TMEM106A: variants seen among roughly 807,000 people sequenced by gnomAD.
TMEM106A encodes transmembrane protein 106A.
In TMEM106A, 22 loss-of-function variants were observed where a neutral mutation model predicts 25.1. That is an observed-to-expected ratio of 0.88 (90% CI 0.63 to 1.25). The LOEUF is 1.25. TMEM106A is among the 50% of genes most tolerant of loss of function. The pLI, the probability that TMEM106A is intolerant of heterozygous loss-of-function variation, is 0.00. For synonymous variants in TMEM106A, 104 were observed against 129.9 expected (o/e 0.80, Z 1.35); for missense variants, 275 against 318.1 (o/e 0.86, Z 1.03).
Position 43,217,896 on chromosome 17 carries a change from C to A in TMEM106A, c.*95C>A. 6.4e-7 allele frequency: 1 copy of A among 1,568,552 alleles called. No homozygotes were observed. Among genetic ancestry groups the A allele is most frequent in the South Asian group, 1.2e-5 (1 of 83,600 alleles). ...TAAGGAAGGACTACAGAGGCTTTGCCAAAGGAGAAGCCCTGCCTCATCACA... is the reference window on the plus strand; with the variant it reads ...TAAGGAAGGACTACAGAGGCTTTGCAAAAGGAGAAGCCCTGCCTCATCACA... On this transcript the variant is annotated 3_prime_UTR_variant, in exon 9 of 9. Transcript: ENST00000612339.
rs757384257 is a variant in TMEM106A at position 43,213,275 on chromosome 17, A to C, written c.211+23A>C. The C allele has an allele frequency of 1.9e-6, 3 of 1,612,254 alleles. No individual in the cohort carries two copies. The African/African-American group carries it at 4.0e-5, about 22-fold the overall frequency. ...AAGGTGAGTGGCCCAAGGCTCTGGAAATAGCCTGGAATCCAGGGAAAGTTC... is the reference window on the plus strand; with the variant it reads ...AAGGTGAGTGGCCCAAGGCTCTGGACATAGCCTGGAATCCAGGGAAAGTTC... On this transcript the variant is annotated intron_variant, in intron 3 of 8. Transcript: ENST00000612339.
intron 4 of TMEM106A, among the ~76,000 whole-genome samples, chr17:43,214,213 AAAAAG>A (rs1361060256): frequency 6.3e-5 from 5 of 78,764 alleles, no homozygotes; most frequent in Non-Finnish European, 8.8e-5. Flanking sequence ...AAAGAAAAAA[AAAAAG>A]AAAAGAAAGA....
Position 43,217,726 on chromosome 17 carries a change from C to G in TMEM106A, c.714C>G (p.Val238=). 6.2e-7 allele frequency: 1 copy of G among 1,614,214 alleles called. No homozygotes were observed. Among genetic ancestry groups the G allele is most frequent in the Non-Finnish European group, 8.5e-7 (1 of 1,180,040 alleles). The change falls in exon 9 of 9, where the codon GTC becomes GTG. Residue 238 remains valine, a synonymous_variant. Coordinates refer to ENST00000612339, the MANE Select transcript of TMEM106A (RefSeq NM_145041.4). ...ACCTGAGCCATTCAGAGCAGCTGGT[C>G]TTTCAGAGCTATGAATATGTGGACT... is the stretch of plus-strand genomic sequence containing the variant. The part of the protein sequence containing the change: ...CSYLSHSEQL[V]FQSYEYVDCR...
In TMEM106A at chr17:43,219,080, G is replaced by A. The variant is rs1484933000; in HGVS notation, c.*1279G>A. 1 of 152,228 alleles carries A rather than the reference G, an allele frequency of 6.6e-6. No individual in the cohort carries two copies. Among genetic ancestry groups the A allele is most frequent in the African/African-American group, 2.4e-5 (1 of 41,452 alleles). The allele number at this position is 152,228 out of a possible 1,614,324, so 9.4% of individuals were successfully genotyped here. The stretch of plus-strand genomic sequence containing the variant: ...ATTGTATAAGATATTTATTAAAGGA[G>A]AGCCTCTAAGTCCACATCCTGAGCC... On this transcript the variant is annotated 3_prime_UTR_variant, in exon 9 of 9. Transcript: ENST00000612339.
rs2057452251 is a variant in TMEM106A, at chr17:43,213,219, C to G, written c.178C>G (p.Pro60Ala). The change falls in exon 3 of 9, where the codon CCC becomes GCC. Residue 60 changes from proline (P) to alanine (A), a missense_variant. Physicochemically the swap from Pro to Ala is conservative, Grantham distance 27. Transcript: ENST00000612339. ...TGCTGATGCCAGCTTCGTGACTTGT[C>G]CCACCTGCCAGGGCAGTGGCAAGAT... Reference protein sequence around the residue: ...GTADASFVTCPTCQGSGKIPQ... With the variant: ...GTADASFVTCATCQGSGKIPQ... 2 of 1,614,094 alleles carry G rather than the reference C, an allele frequency of 1.2e-6. No homozygotes were observed. Among genetic ancestry groups the G allele is most frequent in the African/African-American group, 1.3e-5 (1 of 74,932 alleles).
chr17:43,216,718 A>G lies in TMEM106A; in HGVS notation c.592A>G (p.Lys198Glu). 3.7e-6 allele frequency: 6 copies of G among 1,614,228 alleles called. No individual in the cohort carries two copies. The highest frequency in any genetic ancestry group is 4.2e-6 in the Non-Finnish European group (5 of 1,180,044). The change falls in exon 7 of 9, where the codon AAG (lysine) becomes GAG (glutamate). Residue 198 changes from lysine to glutamate, a missense_variant. Physicochemically the swap from Lys to Glu is moderately conservative, Grantham distance 56 (BLOSUM62 1). Transcript: ENST00000612339. ...SEQMFYAVAT[K>E]IRDENTYKIC... ...ACAGATGTTTTACGCAGTAGCTACC[A>G]AGATACGGGATGAAAACACATAGTG...
intron 1 of TMEM106A, 56 bp from the exon 2 acceptor site, chr17:43,212,171 G>A (rs1165511766): frequency 6.6e-6 from 1 of 152,476 alleles, no homozygotes; most frequent in Admixed American, 6.5e-5. Context: ...GGCCCTTCGG[G>A]GAGGTCAGCG....
Position 43,213,157 on chromosome 17 carries a change from G to A in TMEM106A, c.116G>A (p.Ser39Asn), listed in dbSNP as rs757503268. The A allele has an allele frequency of 1.2e-6, 2 of 1,614,208 alleles. No individual in the cohort carries two copies. The highest frequency in any genetic ancestry group is 2.2e-5 in the East Asian group (1 of 44,886). Residue 39 changes from serine (S) to asparagine (N), a missense_variant, in exon 3 of 9, where the codon AGC (serine) becomes AAC (asparagine). Physicochemically the swap from Ser to Asn is conservative, Grantham distance 46. Transcript: ENST00000612339. ...KAVNYSSTGS[S>N]KSFCSCVPCE... ...GTCAACTACTCCAGCACCGGTAGCA[G>A]CAAGTCTTTTTGTTCCTGTGTGCCT... is the stretch of plus-strand genomic sequence containing the variant.
chr17:43,214,438 T>A lies in TMEM106A; in HGVS notation c.275+547T>A, dbSNP rs556787664. ...GAAAATGTTATTTTTCTTAAGCACC[T>A]CCCTTGCTGAGGCAGTTCAGATTTG... On this transcript the variant is annotated intron_variant, in intron 4 of 8. Coordinates refer to ENST00000612339, the MANE Select transcript of TMEM106A (RefSeq NM_145041.4). 7.2e-5 allele frequency among the ~76,000 whole-genome samples: 11 copies of A among 152,258 alleles called. No individual in the cohort carries two copies. The East Asian group carries it at 2.1e-3, about 29-fold the overall frequency.
chr17:43,212,930 C>T, intron 2 of TMEM106A, 91 bp from the exon 3 acceptor site: 2 of 936,826 alleles, frequency 2.1e-6, no homozygotes, highest in South Asian at 1.6e-5. Context: ...TGTGGTGAAG[C>T]TCCTTGCCAG....
intron 2 of TMEM106A, among the ~76,000 whole-genome samples, chr17:43,212,731 C>CT (rs1022574840): frequency 2.0e-5 from 3 of 152,182 alleles, no homozygotes; most frequent in African/African-American, 7.2e-5. Flanking sequence ...ATTAAATGCT[C>CT]TGACAATCAC....
intron 3 of TMEM106A, among the ~76,000 whole-genome samples, chr17:43,213,467 G>A (rs1479270595): frequency 2.0e-5 from 3 of 152,194 alleles, no homozygotes; most frequent in African/African-American, 7.2e-5. Flanking sequence ...CCAGCCCCTT[G>A]TGGGAAAGAA....
intron 7 of TMEM106A, 177 bp downstream of exon 7, chr17:43,216,917 C>A: frequency 1.3e-6 from 1 of 786,322 alleles, no homozygotes; most frequent in South Asian, 1.7e-5. Flanking sequence ...CTTGTTTGGA[C>A]CTTGATTAGA....
intron 7 of TMEM106A, 173 bp downstream of exon 7, chr17:43,216,913 T>C (rs2154582624): frequency 6.2e-6 from 5 of 805,298 alleles, no homozygotes; most frequent in Non-Finnish European, 1.0e-5. Flanking sequence ...TCTGCTTGTT[T>C]GGACCTTGAT....
intron 7 of TMEM106A, 195 bp downstream of exon 7, chr17:43,216,935 A>G (rs1288363786): frequency 5.7e-6 from 4 of 704,118 alleles, no homozygotes; most frequent in Admixed American, 2.7e-5. Flanking sequence ...AGAATGAAAA[A>G]CAGGCTGGAA....
intron 2 of TMEM106A, 92 bp from the exon 3 acceptor site, chr17:43,212,929 G>T: frequency 2.2e-6 from 2 of 929,118 alleles, no homozygotes; most frequent in South Asian, 1.6e-5. Flanking sequence ...CTGTGGTGAA[G>T]CTCCTTGCCA....
chr17:43,216,682 C>T lies in TMEM106A; in HGVS notation c.571-15C>T, dbSNP rs199540290. On this transcript the variant is annotated splice_polypyrimidine_tract_variant and intron_variant, in intron 6 of 8. Transcript: ENST00000612339. ...GCTGGAGTTGGGGCTAACCCTGTGC[C>T]CATTTGGTTGACAGATGTTTTACGC... 4.5e-4 allele frequency: 727 copies of T among 1,614,168 alleles called. 2 individuals are homozygous for T. The highest frequency in any genetic ancestry group is 5.2e-4 in the Non-Finnish European group (611 of 1,180,016).
chr17:43,213,476 A>C (rs1478328396), intron 3 of TMEM106A, among the ~76,000 whole-genome samples: 2 of 152,222 alleles, frequency 1.3e-5, no homozygotes, highest in Non-Finnish European at 2.9e-5. Context: ...TGTGGGAAAG[A>C]AGGATTCTAG....
At chr17:43,214,071 C>T (rs1298352994) in intron 4 of TMEM106A, 180 bp downstream of exon 4, 4 of 626,384 alleles carry the variant, frequency 6.4e-6, no homozygotes, top group South Asian at 2.1e-5. Context: ...AGCTCCTGGA[C>T]CGGGTGTGGT....
Sources: gnomAD v4.1 joint callset for allele counts (sites outside exome capture counted in the v4.1 genomes callset) on GRCh38, gnomAD v4.1.1 for gene constraint, MANE v1.5 for transcripts, NCBI Gene and HGNC (gene_info 2026-07-23, HGNC 2026-07-21) for gene names.